KIF16B: variants seen among roughly 807,000 people sequenced by gnomAD.
KIF16B encodes kinesin family member 16B, also known as kinesin-like protein KIF16B.
KIF16B carries 98 observed loss-of-function variants against 156.3 expected under a neutral mutation model. That is an observed-to-expected ratio of 0.63 (90% CI 0.53 to 0.74). KIF16B has a LOEUF of 0.74. Ranked by LOEUF, KIF16B falls within the 30% of genes least tolerant of loss-of-function variation. The pLI is 0.00. For missense variants in KIF16B, 1,421 were observed against 1,606.5 expected, an observed-to-expected ratio of 0.88 and a Z score of 1.97; for synonymous variants, 564 against 583.7, an observed-to-expected ratio of 0.97 and a Z score of 0.49.
intron 9 of KIF16B, 27 bp from the exon 10 acceptor site, chr20:16,504,574 T>C (rs2068720690): frequency 1.9e-6 from 3 of 1,597,502 alleles, no homozygotes; most frequent in Non-Finnish European, 2.6e-6. Flanking sequence ...CAAAAAATAA[T>C]TTATCCAGCA....
intron 12 of KIF16B, among the ~76,000 whole-genome samples, chr20:16,475,805 G>A (rs2067793403): frequency 6.6e-6 from 1 of 152,108 alleles, no homozygotes; most frequent in African/African-American, 2.4e-5. Flanking sequence ...GACTACCTAA[G>A]ACCCAATTTT....
chr20:16,570,685 G>C (rs1295446057), intron 1 of KIF16B, among the ~76,000 whole-genome samples: 1 of 152,116 alleles, frequency 6.6e-6, no homozygotes, highest in Non-Finnish European at 1.5e-5. Flanking sequence ...TTGTCTTCAA[G>C]ACCAAGGACA....
chr20:16,535,462 CA>C (rs2069922820), intron 1 of KIF16B, among the ~76,000 whole-genome samples: 1 of 152,082 alleles, frequency 6.6e-6, no homozygotes, highest in Admixed American at 6.5e-5. Flanking sequence ...TCCTCTTTTC[CA>C]ATCTGGACGC....
chr20:16,442,258 C>A (rs772961489), intron 12 of KIF16B, among the ~76,000 whole-genome samples: 1 of 151,732 alleles, frequency 6.6e-6, no homozygotes, highest in Non-Finnish European at 1.5e-5. Flanking sequence ...AGAGTGGATG[C>A]TAGGTGTTCT....
intron 1 of KIF16B, among the ~76,000 whole-genome samples, chr20:16,540,238 C>T (rs1348157658): frequency 6.6e-6 from 1 of 152,104 alleles, no homozygotes; most frequent in Non-Finnish European, 1.5e-5. Flanking sequence ...TCTAGATGCA[C>T]AAAACATTTC....
intron 25 of KIF16B, among the ~76,000 whole-genome samples, chr20:16,299,083 C>T (rs530889076): frequency 1.8e-4 from 28 of 152,136 alleles, no homozygotes; most frequent in African/African-American, 6.3e-4. Flanking sequence ...GAATTTGGAG[C>T]GTGTGTGTCT....
intron 12 of KIF16B, among the ~76,000 whole-genome samples, chr20:16,441,751 C>G (rs919228807): frequency 3.3e-5 from 5 of 152,100 alleles, no homozygotes; most frequent in African/African-American, 9.7e-5. Flanking sequence ...AGGGCAAGTA[C>G]TGTGACCTAA....
intron 3 of KIF16B, among the ~76,000 whole-genome samples, chr20:16,522,275 C>A (rs2069380857): frequency 6.6e-6 from 1 of 152,112 alleles, no homozygotes; most frequent in Non-Finnish European, 1.5e-5. Context: ...TCAGGAGACC[C>A]ATCTCACATG....
At chr20:16,528,797 C>T (rs2069644497) in intron 1 of KIF16B, among the ~76,000 whole-genome samples, 1 of 151,994 alleles carries the variant, frequency 6.6e-6, no homozygotes, top group African/African-American at 2.4e-5. Flanking sequence ...GAGACCTTAG[C>T]CCCCTACCCA....
At chr20:16,503,668 T>C (rs926649198) in intron 10 of KIF16B, among the ~76,000 whole-genome samples, 6 of 152,206 alleles carry the variant, frequency 3.9e-5, no homozygotes, top group Non-Finnish European at 7.3e-5. Flanking sequence ...TATCCTTCAT[T>C]TTCTTTCAAG....
intron 15 of KIF16B, among the ~76,000 whole-genome samples, chr20:16,413,566 C>T (rs2066010841): frequency 6.6e-6 from 1 of 152,170 alleles, no homozygotes. Context: ...GTTACAAATA[C>T]TACAAACATA....
chr20:16,305,269 T>C (rs888272921), intron 25 of KIF16B, among the ~76,000 whole-genome samples: 3 of 151,538 alleles, frequency 2.0e-5, no homozygotes, highest in African/African-American at 2.4e-5. Context: ...CCATGAAGGA[T>C]CAAGCCCAAA....
chr20:16,355,605 G>A (rs552334037), intron 23 of KIF16B, among the ~76,000 whole-genome samples: 1 of 152,246 alleles, frequency 6.6e-6, no homozygotes, highest in Non-Finnish European at 1.5e-5. Context: ...AAAGAAGTGT[G>A]ATTTATCATT....
intron 11 of KIF16B, among the ~76,000 whole-genome samples, chr20:16,495,373 T>C (rs1315520573): frequency 1.3e-5 from 2 of 152,192 alleles, no homozygotes; most frequent in Non-Finnish European, 2.9e-5. Context: ...CCATTAAGCA[T>C]AGTAACTGGA....
intron 19 of KIF16B, among the ~76,000 whole-genome samples, chr20:16,375,583 T>G (rs1305994266): frequency 6.6e-6 from 1 of 151,654 alleles, no homozygotes; most frequent in African/African-American, 2.4e-5. Flanking sequence ...ACACACAGTA[T>G]TTTCAAAAGA....
chr20:16,421,576 C>A (rs958069245), intron 15 of KIF16B, among the ~76,000 whole-genome samples: 8 of 152,094 alleles, frequency 5.3e-5, no homozygotes, highest in Admixed American at 3.3e-4. Flanking sequence ...GTAAAGAATT[C>A]TAATCCTTAA....
At chr20:16,376,719 T>C (rs1480038782) in intron 19 of KIF16B, among the ~76,000 whole-genome samples, 2 of 152,200 alleles carry the variant, frequency 1.3e-5, no homozygotes, top group African/African-American at 4.8e-5. Context: ...TCTGCTATTA[T>C]ACAGTATTAA....
At chr20:16,542,999 T>G (rs899577894) in intron 1 of KIF16B, among the ~76,000 whole-genome samples, 1 of 152,142 alleles carries the variant, frequency 6.6e-6, no homozygotes, top group African/African-American at 2.4e-5. Context: ...TCCAGATGAC[T>G]GGGGTGGATC....
intron 17 of KIF16B, among the ~76,000 whole-genome samples, chr20:16,383,672 T>A (rs1483010612): frequency 5.3e-5 from 8 of 152,244 alleles, no homozygotes; most frequent in Admixed American, 5.2e-4. Context: ...GGTATCTTCA[T>A]ACTTCAGTAG....
Sources: allele counts gnomAD v4.1 joint callset (sites outside exome capture counted in the v4.1 genomes callset), GRCh38; gene constraint gnomAD v4.1.1; transcripts MANE v1.5; gene names NCBI Gene and HGNC (gene_info 2026-07-23, HGNC 2026-07-21).